Variants in MAP3K1 observed in about 807,000 individuals in gnomAD.
The protein encoded by MAP3K1 is mitogen-activated protein kinase kinase kinase 1.
In MAP3K1, 36 loss-of-function variants were observed where a neutral mutation model predicts 144.2. That is an observed-to-expected ratio of 0.25 (90% confidence interval 0.19 to 0.33). MAP3K1 has a LOEUF of 0.33. MAP3K1 is among the 10% of genes least tolerant of loss of function. The probability of loss-of-function intolerance (pLI) is 1.00; values close to 1 mark genes in which losing one functional copy is unlikely to be tolerated. For missense variants in MAP3K1, 1,650 were observed against 1,881.9 expected, an observed-to-expected ratio of 0.88 and a Z score of 2.28; for synonymous variants, 718 against 688.7, an observed-to-expected ratio of 1.04 and a Z score of -0.67.
At position 56,815,734 on chromosome 5, in the gene MAP3K1, G is replaced by A. The variant is rs1050828981; in HGVS notation, c.161G>A (p.Arg54Gln). Reference protein sequence around the residue: ...LREAGSGGRERADWRRRQLRK... With the variant: ...LREAGSGGREQADWRRRQLRK... ...GAGGCGGGCAGCGGGGGCCGCGAGC[G>A]GGCGGACTGGCGGCGGCGGCAGCTG... Residue 54 changes from arginine (R) to glutamine (Q), a missense_variant, in exon 1 of 20, where the codon CGG (arginine) becomes CAG (glutamine). Coordinates refer to ENST00000399503, the MANE Select transcript of MAP3K1 (RefSeq NM_005921.2). The A allele has an allele frequency of 1.5e-6, 2 of 1,347,890 alleles. No individual in the cohort carries two copies. The highest frequency in any genetic ancestry group is 9.5e-7 in the Non-Finnish European group (1 of 1,048,070). The allele number at this position is 1,347,890 out of a possible 1,614,324, so 83.5% of individuals were successfully genotyped here.
intron 1 of MAP3K1, among the ~76,000 whole-genome samples, chr5:56,816,794 G>A (rs1745989551): frequency 6.6e-6 from 1 of 152,226 alleles, no homozygotes; most frequent in South Asian, 2.1e-4. Context: ...AGCCCCCAAG[G>A]GGCTTTGAGT....
chr5:56,819,327 A>G (rs1394766675), intron 1 of MAP3K1, among the ~76,000 whole-genome samples: 5 of 152,218 alleles, frequency 3.3e-5, no homozygotes, highest in African/African-American at 1.2e-4. Context: ...TACAACTTCC[A>G]TAGCACCTCG....
At chr5:56,874,917 A>G in intron 9 of MAP3K1, 115 bp from the exon 10 acceptor site, 1 of 1,078,994 alleles carries the variant, frequency 9.3e-7, no homozygotes, top group Non-Finnish European at 1.4e-6. Context: ...AAGGATGGTA[A>G]AGATTTCAGA....
intron 1 of MAP3K1, chr5:56,820,825 T>C: frequency 3.0e-6 from 3 of 984,356 alleles, no homozygotes; most frequent in Non-Finnish European, 3.6e-6. Context: ...CGGTAGGTTG[T>C]AGTATGAACA....
chr5:56,894,056 C>A lies in MAP3K1; in HGVS notation c.*376C>A, dbSNP rs985763010. On this transcript the variant is annotated 3_prime_UTR_variant, in exon 20 of 20. Coordinates refer to ENST00000399503, the MANE Select transcript of MAP3K1 (RefSeq NM_005921.2). ...TAATATTTCAATTATTCTTCCATTT[C>A]ATATAGTGATCACAAGCAGGGGGTT... is the stretch of plus-strand genomic sequence containing the variant. 2 of 363,682 alleles carry A rather than the reference C, an allele frequency of 5.5e-6. No homozygotes were observed. Among genetic ancestry groups the A allele is most frequent in the Non-Finnish European group, 1.0e-5 (2 of 194,636 alleles). 22.5% of individuals were successfully genotyped at this position (363,682 alleles called of 1,614,324 possible). A position where few individuals can be genotyped will look rare whatever the true frequency, so the allele number is the denominator to read the frequency against.
At chr5:56,817,243 C>T (rs1184088840) in intron 1 of MAP3K1, 1 of 307,830 alleles carries the variant, frequency 3.2e-6, no homozygotes, top group Non-Finnish European at 4.7e-6. Flanking sequence ...ACCTGATTAA[C>T]GTATGCAAAG....
intron 17 of MAP3K1, among the ~76,000 whole-genome samples, chr5:56,887,116 C>G (rs879771763): frequency 1.3e-5 from 2 of 152,108 alleles, no homozygotes; most frequent in Non-Finnish European, 2.9e-5. Context: ...GTCTTTTTAG[C>G]TAGTATTTGA....
chr5:56,867,431 AAAC>A (rs1747710568), intron 6 of MAP3K1, among the ~76,000 whole-genome samples: 1 of 152,198 alleles, frequency 6.6e-6, no homozygotes, highest in South Asian at 2.1e-4. Context: ...GTTATGCCCA[AAAC>A]AATAATAAAA....
intron 1 of MAP3K1, among the ~76,000 whole-genome samples, chr5:56,825,152 C>T (rs776956383): frequency 5.2e-4 from 79 of 152,096 alleles, no homozygotes; most frequent in African/African-American, 1.8e-3. Context: ...GGATTACAGG[C>T]GCCTGCCACC....
chr5:56,888,920 G>C (rs576751802), intron 19 of MAP3K1, among the ~76,000 whole-genome samples: 3 of 152,180 alleles, frequency 2.0e-5, no homozygotes, highest in Admixed American at 1.3e-4. Context: ...ATTGTCAATG[G>C]TGTTGTCAAT....
intron 18 of MAP3K1, 75 bp downstream of exon 18, chr5:56,887,595 T>C: frequency 1.3e-6 from 2 of 1,493,950 alleles, no homozygotes; most frequent in Non-Finnish European, 1.9e-6. Flanking sequence ...TAAATTATCT[T>C]GCAGTGGTAT....
At chr5:56,861,987 A>G (rs572217624) in intron 3 of MAP3K1, 2 of 152,324 alleles carry the variant, frequency 1.3e-5, no homozygotes, top group African/African-American at 4.8e-5. Context: ...CTGATGCCCA[A>G]CAGTAGTTGT....
intron 1 of MAP3K1, among the ~76,000 whole-genome samples, chr5:56,817,741 C>T (rs1746022190): frequency 6.6e-6 from 1 of 152,142 alleles, no homozygotes; most frequent in Non-Finnish European, 1.5e-5. Flanking sequence ...GAAATTGTAT[C>T]TATTGAGACC....
intron 3 of MAP3K1, among the ~76,000 whole-genome samples, chr5:56,864,378 C>CTT (rs11331657): frequency 1.7e-5 from 2 of 117,264 alleles, no homozygotes; most frequent in Admixed American, 8.4e-5. Flanking sequence ...ATAATAGTTT[C>CTT]TTTTTTTTTT....
At chr5:56,843,808 A>G (rs1746892519) in intron 1 of MAP3K1, among the ~76,000 whole-genome samples, 1 of 152,176 alleles carries the variant, frequency 6.6e-6, no homozygotes, top group South Asian at 2.1e-4. Flanking sequence ...CAGACATGCT[A>G]AATTTTGTGA....
chr5:56,872,977 A>G lies in MAP3K1; in HGVS notation c.1658A>G (p.Tyr553Cys), dbSNP rs1008060531. The G allele has an allele frequency of 6.2e-7, 1 of 1,613,972 alleles. No homozygotes were observed. The highest frequency in any genetic ancestry group is 8.5e-7 in the Non-Finnish European group (1 of 1,180,002). ...HYGTQQIPPA[Y>C]KDLAEPWIQV... is the part of the protein sequence containing the mutation. ...GGAACTCAGCAAATCCCTCCTGCTTACAAAGATTTAGCTGAGCCATGGATT... is the reference window on the plus strand; with the variant it reads ...GGAACTCAGCAAATCCCTCCTGCTTGCAAAGATTTAGCTGAGCCATGGATT... The change falls in exon 9 of 20, where the codon TAC becomes TGC. Residue 553 changes from tyrosine to cysteine, a missense_variant. Transcript: ENST00000399503.
intron 15 of MAP3K1, among the ~76,000 whole-genome samples, chr5:56,883,955 C>A (rs1748302185): frequency 1.3e-5 from 2 of 152,048 alleles, no homozygotes; most frequent in Non-Finnish European, 2.9e-5. Context: ...TCAAGACCAG[C>A]CTGGCCAGCA....
chr5:56,845,615 AAAACACGTTTAGCC>A (rs1746967982), intron 1 of MAP3K1, among the ~76,000 whole-genome samples: 1 of 152,258 alleles, frequency 6.6e-6, no homozygotes, highest in African/African-American at 2.4e-5. Flanking sequence ...CTTAAAAGGA[AAAACACGTTTAGCC>A]AAAAACTGTT....
At chr5:56,841,294 C>T (rs1262323632) in intron 1 of MAP3K1, among the ~76,000 whole-genome samples, 1 of 151,742 alleles carries the variant, frequency 6.6e-6, no homozygotes, top group Non-Finnish European at 1.5e-5. Flanking sequence ...TTCTGCTTGA[C>T]AGTTGTCTGA....
Sources: gnomAD v4.1 joint callset for allele counts (sites outside exome capture counted in the v4.1 genomes callset) on GRCh38, gnomAD v4.1.1 for gene constraint, MANE v1.5 for transcripts, NCBI Gene and HGNC (gene_info 2026-07-23, HGNC 2026-07-21) for gene names.